The following RHOG variants were observed in gnomAD, a reference collection of about 807,000 sequenced individuals.
The protein encoded by RHOG is ras homolog family member G, also known as rho-related GTP-binding protein RhoG.
A neutral mutation model predicts 12.3 loss-of-function variants in RHOG; 1 was observed. The observed-to-expected ratio is 0.08, with a 90% CI of 0.03 to 0.39. The LOEUF is 0.39. Among genes scored for constraint, RHOG ranks in the 10% least tolerant of loss-of-function variants. The pLI, the probability that RHOG is intolerant of heterozygous loss-of-function variation, is 0.99. For missense variants in RHOG, 114 were observed against 266.2 expected (o/e 0.43, Z 3.98); for synonymous variants, 129 against 116.0 (o/e 1.11, Z -0.72).
At chr11:3,829,448 G>A (rs920481271) in intron 1 of RHOG, among the ~76,000 whole-genome samples, 30 of 151,408 alleles carry the variant, frequency 2.0e-4, no homozygotes, top group Middle Eastern at 3.2e-3. Flanking sequence ...ATGGAGTTTC[G>A]CCGTGTTAGC....
intron 1 of RHOG, among the ~76,000 whole-genome samples, chr11:3,832,243 G>A (rs10835174): frequency 6.6e-6 from 1 of 152,114 alleles, no homozygotes; most frequent in South Asian, 2.1e-4. Context: ...TTAGTACTAT[G>A]CCTATTCTAC....
intron 1 of RHOG, among the ~76,000 whole-genome samples, chr11:3,838,632 G>A (rs998001058): frequency 5.3e-5 from 8 of 149,776 alleles, no homozygotes; most frequent in African/African-American, 2.0e-4. Context: ...CAATTCATGG[G>A]AGAGGGACGA....
At chr11:3,831,537 G>C (rs769913962) in intron 1 of RHOG, among the ~76,000 whole-genome samples, 67 of 152,282 alleles carry the variant, frequency 4.4e-4, no homozygotes, top group Non-Finnish European at 7.4e-4. Context: ...GAGTCAAATA[G>C]AGACCTCAGA....
rs147400608 is a variant in RHOG at position 3,832,731 on chromosome 11, C to G, written c.-68-4525G>C. ...TCTTTCTGAAATCCTCTGGCCTGAA[C>G]TGGGTTGAATAAGTTACCATAGCCC... On this transcript the variant is annotated intron_variant, in intron 1 of 1. Coordinates refer to ENST00000351018, the MANE Select transcript of RHOG (RefSeq NM_001665.4). Among the ~76,000 whole-genome samples the G allele has an allele frequency of 6.6e-3, 1,003 of 152,310 alleles. 9 individuals carry two copies. Among genetic ancestry groups the G allele is most frequent in the African/African-American group, 0.023 (938 of 41,558 alleles).
chr11:3,836,076 G>A (rs1435692903), intron 1 of RHOG, among the ~76,000 whole-genome samples: 28 of 151,710 alleles, frequency 1.8e-4, no homozygotes, highest in Non-Finnish European at 1.5e-5. Flanking sequence ...AAATCCCCCG[G>A]GTGCCGTGGC....
At chr11:3,838,110 C>T (rs1024050092) in intron 1 of RHOG, among the ~76,000 whole-genome samples, 2 of 152,222 alleles carry the variant, frequency 1.3e-5, no homozygotes, top group Non-Finnish European at 2.9e-5. Context: ...AATGGGTCTA[C>T]AGTATATAGA....
At chr11:3,834,301 GC>G (rs1466319966) in intron 1 of RHOG, among the ~76,000 whole-genome samples, 2 of 152,118 alleles carry the variant, frequency 1.3e-5, no homozygotes, top group African/African-American at 4.8e-5. Flanking sequence ...AGCTGTACAT[GC>G]CCTTCAGTAC....
Position 3,827,859 on chromosome 11 carries a change from G to A in RHOG, c.280C>T (p.Arg94Trp), listed in dbSNP as rs918562636. The A allele has an allele frequency of 3.1e-6, 5 of 1,614,048 alleles. No individual in the cohort carries two copies. Among genetic ancestry groups the A allele is most frequent in the Non-Finnish European group, 3.4e-6 (4 of 1,180,024 alleles). Reference protein sequence around the residue: ...IASPPSYENVRHKWHPEVCHH... With the variant: ...IASPPSYENVWHKWHPEVCHH... ...CACACCTCTGGATGCCACTTGTGCC[G>A]CACGTTCTCATAGGACGGCGGACTG... The change falls in exon 2 of 2, where the codon CGG becomes TGG. Residue 94 changes from arginine to tryptophan, a missense_variant. Physicochemically the swap from Arg to Trp is moderately radical, Grantham distance 101 (BLOSUM62 -3). Around this residue, in one of 2 missense-constraint regions of RHOG, gnomAD observed 53 missense variants for 164.8 expected, o/e 0.32. Transcript: ENST00000351018. This position sits in a 1 kb window ranked among gnomAD's most constrained non-coding sequence, Gnocchi z 7.3.
intron 1 of RHOG, chr11:3,840,632 C>G (rs1157493680): frequency 6.6e-6 from 1 of 152,114 alleles, no homozygotes; most frequent in East Asian, 1.9e-4. Context: ...AGCCCGGGAC[C>G]CTCCGACCTC....
At chr11:3,830,661 A>AAT (rs1348751214) in intron 1 of RHOG, 1 of 146,738 alleles carries the variant, frequency 6.8e-6, no homozygotes, top group African/African-American at 2.5e-5. Context: ...GTCTCAAAAA[A>AAT]AAAAAAATAA....
intron 1 of RHOG, among the ~76,000 whole-genome samples, chr11:3,832,158 A>T (rs1172515123): frequency 6.6e-6 from 1 of 152,182 alleles, no homozygotes; most frequent in Non-Finnish European, 1.5e-5. Context: ...TTGACCCTTG[A>T]TAAAAAAGCC....
At position 3,827,326 on chromosome 11, in the gene RHOG, G is replaced by C; in HGVS notation, c.*237C>G. The C allele has an allele frequency of 1.8e-6, 1 of 557,240 alleles. No homozygotes were observed. The highest frequency in any genetic ancestry group is 3.2e-6 in the Non-Finnish European group (1 of 311,966). 34.5% of individuals were successfully genotyped at this position (557,240 alleles called of 1,614,324 possible). On this transcript the variant is annotated 3_prime_UTR_variant, in exon 2 of 2. Coordinates refer to ENST00000351018, the MANE Select transcript of RHOG (RefSeq NM_001665.4). This position sits in a 1 kb window ranked among gnomAD's most constrained non-coding sequence, Gnocchi z 7.3. ...CCTCTTGGGGAGGGGTCCAACCTTG[G>C]CTTGGATGAGCTCATGAGAATACCC...
At chr11:3,828,765 C>T (rs1039800754) in intron 1 of RHOG, among the ~76,000 whole-genome samples, 1 of 151,550 alleles carries the variant, frequency 6.6e-6, no homozygotes, top group Admixed American at 6.6e-5. Context: ...GGACTACAGG[C>T]ACCCACCACC....
chr11:3,828,811 G>C (rs563161506), intron 1 of RHOG, among the ~76,000 whole-genome samples: 3 of 151,384 alleles, frequency 2.0e-5, no homozygotes, highest in Admixed American at 6.6e-5. Flanking sequence ...TAGTAGAGAT[G>C]GGGTTTCACC....
chr11:3,838,038 C>T (rs999657618), intron 1 of RHOG, among the ~76,000 whole-genome samples: 19 of 152,212 alleles, frequency 1.2e-4, no homozygotes, highest in Non-Finnish European at 2.1e-4. Flanking sequence ...GGAGGTGGCC[C>T]AGGCTTTGTC....
chr11:3,839,423 G>A (rs2090175910), intron 1 of RHOG, among the ~76,000 whole-genome samples: 1 of 151,764 alleles, frequency 6.6e-6, no homozygotes, highest in African/African-American at 2.4e-5. Context: ...CCCTCTCAAG[G>A]CTGAGGGCAG....
At chr11:3,830,655 CA>C (rs56236070) in intron 1 of RHOG, 52 of 139,004 alleles carry the variant, frequency 3.7e-4, no homozygotes, top group Admixed American at 3.5e-4. Flanking sequence ...GACCCTGTCT[CA>C]AAAAAAAAAA....
At chr11:3,835,773 G>A (rs2090152226) in intron 1 of RHOG, among the ~76,000 whole-genome samples, 1 of 152,324 alleles carries the variant, frequency 6.6e-6, no homozygotes, top group East Asian at 1.9e-4. Flanking sequence ...AATATCCGAG[G>A]ACCCTTGGTC....
intron 1 of RHOG, among the ~76,000 whole-genome samples, chr11:3,836,022 A>C (rs1451303213): frequency 6.7e-6 from 1 of 150,056 alleles, no homozygotes; most frequent in Non-Finnish European, 1.5e-5. Context: ...ATCAGCAGGG[A>C]AGAACCCAAG....
Sources: gnomAD v4.1 joint callset for allele counts (sites outside exome capture counted in the v4.1 genomes callset) on GRCh38, gnomAD v4.1.1 for gene constraint, gnomAD v4.1.1 regional missense constraint, Gnocchi (gnomAD v3.1) non-coding constraint, MANE v1.5 for transcripts, NCBI Gene and HGNC (gene_info 2026-07-23, HGNC 2026-07-21) for gene names.